SYNE2: variants seen among roughly 807,000 people sequenced by gnomAD.
SYNE2 encodes nesprin-2.
SYNE2 carries 431 observed loss-of-function variants against 856.3 expected under a neutral mutation model. The ratio of observed to expected loss-of-function variants is 0.50; its 90% CI spans 0.47 to 0.55. The LOEUF (loss-of-function observed/expected upper bound fraction) is 0.55. SYNE2 is among the 20% of genes least tolerant of loss of function. The pLI is 0.00. For synonymous variants in SYNE2, 2,923 were observed against 2,872.3 expected, an observed-to-expected ratio of 1.02 and a Z score of -0.56; for missense variants, 8,129 against 8,023.2, an observed-to-expected ratio of 1.01 and a Z score of -0.50.
intron 82 of SYNE2, among the ~76,000 whole-genome samples, chr14:64,142,904 A>G (rs905663709): frequency 1.3e-5 from 2 of 152,268 alleles, no homozygotes; most frequent in African/African-American, 4.8e-5. Flanking sequence ...TGTGCTCAGC[A>G]CTATGCTGGC....
At chr14:63,834,449 A>G (rs918759641) in intron 1 of SYNE2, among the ~76,000 whole-genome samples, 1 of 152,080 alleles carries the variant, frequency 6.6e-6, no homozygotes, top group African/African-American at 2.4e-5. Flanking sequence ...TTTAGTAATG[A>G]ATGAAATTTA....
intron 2 of SYNE2, among the ~76,000 whole-genome samples, chr14:63,932,442 C>T (rs538705835): frequency 1.4e-4 from 22 of 152,210 alleles, no homozygotes; most frequent in African/African-American, 5.1e-4. Flanking sequence ...TGCAGTGGCT[C>T]ATGCCTGTAA....
chr14:63,960,643 A>G (rs1040086076), intron 8 of SYNE2: 3 of 610,024 alleles, frequency 4.9e-6, no homozygotes, highest in Non-Finnish European at 9.1e-6. Flanking sequence ...TTGCTTGTTT[A>G]GGTCAAGAAA....
At chr14:64,219,509 C>G in intron 110 of SYNE2, 99 bp downstream of exon 110, 1 of 1,182,742 alleles carries the variant, frequency 8.5e-7, no homozygotes. Flanking sequence ...GGCATAGGCG[C>G]AGCTTGCAGA....
At chr14:63,957,447 T>G (rs1208179325) in intron 8 of SYNE2, among the ~76,000 whole-genome samples, 1 of 151,900 alleles carries the variant, frequency 6.6e-6, no homozygotes, top group Admixed American at 6.6e-5. Flanking sequence ...TTTTGTATTT[T>G]TAGTAGAGAT....
Position 64,215,297 on chromosome 14 carries a change from C to A in SYNE2, c.19345C>A (p.Pro6449Thr), listed in dbSNP as rs768426686. The A allele has an allele frequency of 6.2e-7, 1 of 1,614,104 alleles. No homozygotes were observed. Among genetic ancestry groups the A allele is most frequent in the Admixed American group, 1.7e-5 (1 of 60,020 alleles). ...YYSALSDVEI[P>T]ENPEAYLKMT... The stretch of plus-strand genomic sequence containing the variant: ...TTGTTCTTTTTCAGATGTAGAAATC[C>A]CTGAAAATCCTGAGGCATATCTTAA... Residue 6449 changes from proline to threonine, a missense_variant, in exon 107 of 116, where the codon CCT (proline) becomes ACT (threonine). This residue lies in a region of SYNE2 where 5,410 missense variants were observed against 5,284.8 expected (regional missense o/e 1.02). Coordinates refer to ENST00000555002, the MANE Select transcript of SYNE2 (RefSeq NM_182914.3).
chr14:64,138,946 G>GT (rs1465109787), intron 79 of SYNE2, among the ~76,000 whole-genome samples: 10 of 137,786 alleles, frequency 7.3e-5, no homozygotes, highest in South Asian at 4.8e-4. Context: ...GTGTATGTAT[G>GT]GTGTGTGTGT....
At chr14:63,841,870 T>A (rs1890077915) in intron 1 of SYNE2, among the ~76,000 whole-genome samples, 1 of 147,976 alleles carries the variant, frequency 6.8e-6, no homozygotes, top group Non-Finnish European at 1.5e-5. Context: ...TCTCATTCTG[T>A]CGCCCAGGCT....
chr14:64,199,882 C>T (rs1269469718), intron 99 of SYNE2, among the ~76,000 whole-genome samples: 23 of 152,036 alleles, frequency 1.5e-4, no homozygotes, highest in Admixed American at 1.5e-3. Context: ...TGACAGTAGA[C>T]AGTCTCATAT....
At chr14:64,141,220 G>GT (rs1219896183) in intron 80 of SYNE2, 121 bp from the exon 81 acceptor site, 2 of 742,168 alleles carry the variant, frequency 2.7e-6, no homozygotes, top group Non-Finnish European at 4.4e-6. Flanking sequence ...GTGTGTGTGT[G>GT]TGTGTGTATA....
intron 78 of SYNE2, among the ~76,000 whole-genome samples, chr14:64,137,132 A>T (rs1003986628): frequency 4.6e-5 from 7 of 152,206 alleles, no homozygotes; most frequent in Admixed American, 2.6e-4. Flanking sequence ...TGGCCTAATG[A>T]CTGCCAGCTT....
intron 1 of SYNE2, among the ~76,000 whole-genome samples, chr14:63,807,821 A>T (rs1292812937): frequency 2.2e-4 from 4 of 18,108 alleles, no homozygotes; most frequent in Non-Finnish European, 4.1e-4. Context: ...CTCCAGGCTT[A>T]TATATATATA....
At chr14:64,074,365 G>C (rs1410515195) in intron 53 of SYNE2, among the ~76,000 whole-genome samples, 2 of 152,224 alleles carry the variant, frequency 1.3e-5, no homozygotes, top group African/African-American at 4.8e-5. Flanking sequence ...AGGTAGGCCA[G>C]TCTGGACCAA....
rs753812540 is a variant in SYNE2 at position 64,051,944 on chromosome 14, T to C, written c.8031T>C (p.His2677=). 2.5e-6 allele frequency: 4 copies of C among 1,613,886 alleles called. No homozygotes were observed. In the South Asian group the frequency reaches 4.4e-5, roughly 18 times the overall value. The change falls in exon 48 of 116, where the codon CAT becomes CAC. Residue 2677 remains histidine (H), a synonymous_variant. Transcript: ENST00000555002. Reference sequence around the variant, plus strand: ...CCACTGACCTCCAGGCTACCAAGCATGGATTTTCTGTTTTAAAGGGGCAAG... The same window carrying C: ...CCACTGACCTCCAGGCTACCAAGCACGGATTTTCTGTTTTAAAGGGGCAAG... ...ALTTDLQATK[H]GFSVLKGQAE... is the part of the protein sequence containing the mutation.
intron 98 of SYNE2, 84 bp from the exon 99 acceptor site, chr14:64,189,987 C>G (rs1350993448): frequency 8.1e-7 from 1 of 1,230,294 alleles, no homozygotes; most frequent in African/African-American, 1.7e-5. Flanking sequence ...TTTTTAATTT[C>G]AAGAGGTAAC....
chr14:64,020,157 C>A, intron 35 of SYNE2, 64 bp downstream of exon 35: 2 of 1,121,644 alleles, frequency 1.8e-6, no homozygotes, highest in South Asian at 1.2e-5. Flanking sequence ...CATATCACTG[C>A]ACTCCAGCCT....
At position 64,055,937 on chromosome 14, in the gene SYNE2, T is replaced by G; in HGVS notation, c.9745-7T>G. The G allele has an allele frequency of 6.2e-7, 1 of 1,611,892 alleles. No homozygotes were observed. Among genetic ancestry groups the G allele is most frequent in the Non-Finnish European group, 8.5e-7 (1 of 1,178,302 alleles). On this transcript the variant is annotated splice_polypyrimidine_tract_variant and splice_region_variant and intron_variant, in intron 48 of 115. Transcript: ENST00000555002. The stretch of plus-strand genomic sequence containing the variant: ...TTTGTCACAGCATTTAATCTCCTAT[T>G]CACTAGAATGTCTTGAATGATGCTT...
intron 51 of SYNE2, among the ~76,000 whole-genome samples, chr14:64,066,682 T>C (rs904552872): frequency 2.0e-5 from 3 of 152,190 alleles, no homozygotes; most frequent in Non-Finnish European, 2.9e-5. Context: ...AATTACACTT[T>C]TGGTTGGGGC....
At chr14:64,078,802 T>C (rs1333889190) in intron 55 of SYNE2, among the ~76,000 whole-genome samples, 196 bp downstream of exon 55, 1 of 152,186 alleles carries the variant, frequency 6.6e-6, no homozygotes, top group Non-Finnish European at 1.5e-5. Flanking sequence ...CCAGGTGCGG[T>C]GACCCACGCC....
Sources: allele counts gnomAD v4.1 joint callset (sites outside exome capture counted in the v4.1 genomes callset), GRCh38; gene constraint gnomAD v4.1.1; regional missense constraint gnomAD v4.1.1; transcripts MANE v1.5; gene names NCBI Gene and HGNC (gene_info 2026-07-23, HGNC 2026-07-21).